Variants in ZFHX3 observed in about 807,000 individuals in gnomAD.
The protein encoded by ZFHX3 is zinc finger homeobox protein 3.
Under a neutral mutation model 279.1 loss-of-function variants are expected in ZFHX3, and 42 were observed. The observed-to-expected ratio is 0.15, with a 90% CI of 0.12 to 0.19. The LOEUF (loss-of-function observed/expected upper bound fraction) is 0.19. ZFHX3 is among the 10% of genes least tolerant of loss of function. The pLI, the probability that ZFHX3 is intolerant of heterozygous loss-of-function variation, is 1.00. For synonymous variants in ZFHX3, 2,293 were observed against 1,957.8 expected (o/e 1.17, Z -4.52); for missense variants, 4,981 against 4,754.0 (o/e 1.05, Z -1.40).
At chr16:72,985,466 T>C (rs911340434) in intron 1 of ZFHX3, among the ~76,000 whole-genome samples, 2 of 152,218 alleles carry the variant, frequency 1.3e-5, no homozygotes, top group African/African-American at 4.8e-5. Context: ...AATTAAATTC[T>C]ACACACGTCA....
chr16:73,358,052 C>T (rs2016373773), intron 3 of ZFHX3, among the ~76,000 whole-genome samples: 1 of 152,226 alleles, frequency 6.6e-6, no homozygotes, highest in Non-Finnish European at 1.5e-5. Flanking sequence ...CATTTCCTCC[C>T]TCTGCCTGGC....
Position 72,788,039 on chromosome 16 carries a change from C to CT in ZFHX3, c.10236dup (p.Asp3413ArgfsTer18). The stretch of plus-strand genomic sequence containing the variant: ...GGTTTGGGGGATTCTTTGGCAGGGT[C>CT]TTTGTCTGGGGAAGGAGCCCCGGGG... On this transcript the variant is annotated frameshift_variant, in exon 10 of 10. Transcript: ENST00000268489. LOFTEE classifies it high-confidence loss of function. 1 of 1,612,334 alleles carries CT rather than the reference C, an allele frequency of 6.2e-7. No homozygotes were observed. Among genetic ancestry groups the CT allele is most frequent in the Non-Finnish European group, 8.5e-7 (1 of 1,179,844 alleles).
At chr16:73,058,394 G>T in intron 1 of ZFHX3, 1 of 175,284 alleles carries the variant, frequency 5.7e-6, no homozygotes, top group Non-Finnish European at 1.2e-5. Flanking sequence ...AGCCGGGAGG[G>T]GGCAGGACGA....
At chr16:73,606,180 TAAAAAAAAAAAAAAAAA>T (rs35080897) in intron 2 of ZFHX3, among the ~76,000 whole-genome samples, 372 of 35,214 alleles carry the variant, frequency 0.011, 4 homozygotes, top group Admixed American at 0.022. Flanking sequence ...AGGCTCCATC[TAAAAAAAAAAAAAAAAA>T]AAAAAAAAAA....
chr16:73,784,816 T>TACACACACAC (rs58711157), intron 1 of ZFHX3, among the ~76,000 whole-genome samples: 2 of 135,508 alleles, frequency 1.5e-5, no homozygotes, highest in African/African-American at 5.7e-5. Flanking sequence ...TATATATATA[T>TACACACACAC]ACACACACAC....
intron 2 of ZFHX3, among the ~76,000 whole-genome samples, chr16:73,656,170 T>C (rs1424113443): frequency 6.6e-6 from 1 of 152,220 alleles, no homozygotes; most frequent in Non-Finnish European, 1.5e-5. Context: ...ACATGTTGTC[T>C]GTGGCTACTT....
chr16:73,450,447 T>C (rs2018264454), intron 3 of ZFHX3, among the ~76,000 whole-genome samples: 1 of 149,266 alleles, frequency 6.7e-6, no homozygotes, highest in Non-Finnish European at 1.5e-5. Context: ...CGGACATGTG[T>C]CATTTTTATA....
At chr16:73,063,045 G>A (rs1237310834), upstream of ZFHX3, among the ~76,000 whole-genome samples, 1 of 152,198 alleles carries the variant, frequency 6.6e-6, no homozygotes, top group African/African-American at 2.4e-5. Context: ...CGGGCCAGCC[G>A]GCCCGTGCCC....
In ZFHX3 at chr16:72,890,537, C is replaced by T. The variant is rs150883148; in HGVS notation, c.3217-575G>A. Among the ~76,000 whole-genome samples the T allele has an allele frequency of 9.5e-4, 144 of 151,092 alleles. 1 individual carries two copies. The Middle Eastern group carries it at 0.017, about 18-fold the overall frequency. On this transcript the variant is annotated intron_variant, in intron 3 of 9. Coordinates refer to ENST00000268489, the MANE Select transcript of ZFHX3 (RefSeq NM_006885.4). ...CCCCCAGAGTACCCAGCACCCTTCT[C>T]TAGCAGTTCTTTGAAAAAACACAGC... is the stretch of plus-strand genomic sequence containing the variant.
chr16:73,704,268 G>A (rs1294656159), intron 1 of ZFHX3, among the ~76,000 whole-genome samples: 1 of 152,124 alleles, frequency 6.6e-6, no homozygotes. Flanking sequence ...CCCTGCAACA[G>A]TAAGGTTGGA....
intron 3 of ZFHX3, among the ~76,000 whole-genome samples, chr16:73,326,767 A>C (rs766943395): frequency 2.6e-5 from 4 of 152,238 alleles, no homozygotes; most frequent in Non-Finnish European, 5.9e-5. Context: ...TTTTACGGTA[A>C]GTGAATAATA....
chr16:73,587,861 A>T (rs2143835236), intron 2 of ZFHX3, among the ~76,000 whole-genome samples: 2 of 152,340 alleles, frequency 1.3e-5, no homozygotes, highest in Middle Eastern at 3.4e-3. Flanking sequence ...AAAATGCAGA[A>T]TTTTCATTTT....
At chr16:73,760,217 G>A (rs1392333587) in intron 1 of ZFHX3, among the ~76,000 whole-genome samples, 2 of 151,954 alleles carry the variant, frequency 1.3e-5, no homozygotes, top group African/African-American at 4.8e-5. Flanking sequence ...GGACACATAA[G>A]CTTTCCCAAG....
chr16:73,170,222 A>ATTTTTTTTTTTTTTTTTTTTT (rs1323820575), intron 5 of ZFHX3, among the ~76,000 whole-genome samples: 1 of 36,840 alleles, frequency 2.7e-5, no homozygotes, highest in Non-Finnish European at 5.2e-5. Flanking sequence ...TCCTTTCACT[A>ATTTTTTTTTTTTTTTTTTTTT]GTTTTTTTTT....
chr16:73,780,304 C>G (rs1161191968), intron 1 of ZFHX3, among the ~76,000 whole-genome samples: 12 of 151,044 alleles, frequency 7.9e-5, no homozygotes, highest in Non-Finnish European at 1.3e-4. Flanking sequence ...TATGCCACCA[C>G]GCCTGGCTAA....
chr16:73,498,722 G>A lies in ZFHX3; in HGVS notation c.-1546-42464C>T, dbSNP rs144924503. On this transcript the variant is annotated intron_variant, in intron 2 of 17. Transcript: ENST00000641206. Reference sequence around the variant, plus strand: ...TGGGTAGCAGAAGAAGTTGAATTACGGTGCAGACAAAACCAAGGCCTCATC... The same window carrying A: ...TGGGTAGCAGAAGAAGTTGAATTACAGTGCAGACAAAACCAAGGCCTCATC... Among the ~76,000 whole-genome samples the A allele has an allele frequency of 4.8e-3, 733 of 152,282 alleles. 3 individuals are homozygous for A. The highest frequency in any genetic ancestry group is 8.2e-3 in the Non-Finnish European group (558 of 68,030).
chr16:73,310,897 C>T (rs562122617), intron 4 of ZFHX3, among the ~76,000 whole-genome samples: 1 of 152,232 alleles, frequency 6.6e-6, no homozygotes, highest in African/African-American at 2.4e-5. Context: ...TACATGCAAT[C>T]CCAATTTTGT....
intron 5 of ZFHX3, among the ~76,000 whole-genome samples, chr16:73,243,127 T>C (rs1425323771): frequency 6.6e-6 from 1 of 152,208 alleles, no homozygotes; most frequent in Non-Finnish European, 1.5e-5. Context: ...TTGGAGCTAG[T>C]GGCACAGCTC....
At chr16:72,864,828 T>TA (rs1246767796) in intron 4 of ZFHX3, among the ~76,000 whole-genome samples, 1 of 152,180 alleles carries the variant, frequency 6.6e-6, no homozygotes, top group Non-Finnish European at 1.5e-5. Context: ...ATCCAGATGT[T>TA]AGAGTTTTGA....
Sources: allele counts gnomAD v4.1 joint callset (sites outside exome capture counted in the v4.1 genomes callset), GRCh38; gene constraint gnomAD v4.1.1; transcripts MANE v1.5; gene names NCBI Gene and HGNC (gene_info 2026-07-23, HGNC 2026-07-21).